SHOC1: variants seen among roughly 807,000 people sequenced by gnomAD.
SHOC1 encodes protein shortage in chiasmata 1 ortholog.
A neutral mutation model predicts 179.2 loss-of-function variants in SHOC1; 136 were observed. The observed-to-expected ratio is 0.76, with a 90% CI of 0.66 to 0.87. The LOEUF is 0.87. Among genes scored for constraint, SHOC1 ranks in the 40% least tolerant of loss-of-function variants. The pLI, the probability that SHOC1 is intolerant of heterozygous loss-of-function variation, is 0.00. For missense variants in SHOC1, 1,538 were observed against 1,700.8 expected (o/e 0.90, Z 1.68); for synonymous variants, 489 against 586.6 (o/e 0.83, Z 2.41).
intron 12 of SHOC1, among the ~76,000 whole-genome samples, chr9:111,729,143 TC>T (rs1328110635): frequency 7.8e-6 from 1 of 128,882 alleles, no homozygotes; most frequent in Admixed American, 7.7e-5. Flanking sequence ...TGAGACATGG[TC>T]CTCCTCTGTA....
chr9:111,735,438 G>T (rs1356408594), intron 12 of SHOC1, among the ~76,000 whole-genome samples: 1 of 152,004 alleles, frequency 6.6e-6, no homozygotes, highest in Non-Finnish European at 1.5e-5. Flanking sequence ...TGTGATGTTT[G>T]ATTTTCTGTT....
intron 12 of SHOC1, among the ~76,000 whole-genome samples, chr9:111,730,677 G>C (rs1397563261): frequency 6.6e-6 from 1 of 152,232 alleles, no homozygotes; most frequent in Non-Finnish European, 1.5e-5. Context: ...AGCACAGAAA[G>C]TGTAGACTTA....
At chr9:111,733,272 C>T (rs964288091) in intron 12 of SHOC1, among the ~76,000 whole-genome samples, 6 of 152,102 alleles carry the variant, frequency 3.9e-5, no homozygotes, top group Non-Finnish European at 8.8e-5. Context: ...TTATTTCCTT[C>T]CAAAATGTAG....
chr9:111,715,053 G>T (rs946757663), intron 16 of SHOC1, among the ~76,000 whole-genome samples: 10 of 152,136 alleles, frequency 6.6e-5, no homozygotes, highest in Admixed American at 6.6e-4. Flanking sequence ...AGCTCTTTCA[G>T]GGTAGAACAT....
intron 2 of SHOC1, among the ~76,000 whole-genome samples, chr9:111,786,621 G>A (rs539071304): frequency 1.3e-5 from 2 of 149,144 alleles, no homozygotes; most frequent in South Asian, 2.1e-4. Context: ...TCACATTTTG[G>A]TAACTGTCCC....
At chr9:111,690,246 A>C (rs1831368009) in intron 27 of SHOC1, among the ~76,000 whole-genome samples, 1 of 152,120 alleles carries the variant, frequency 6.6e-6, no homozygotes, top group Non-Finnish European at 1.5e-5. Context: ...CAACATAACA[A>C]AACCCTGTCT....
chr9:111,714,304 T>C (rs1832689736), intron 17 of SHOC1, 141 bp downstream of exon 17: 1 of 718,176 alleles, frequency 1.4e-6, no homozygotes. Context: ...TTCTGTTCTG[T>C]TACCTTATTC....
intron 2 of SHOC1, 25 bp downstream of exon 2, chr9:111,791,349 A>T: frequency 7.4e-7 from 1 of 1,357,592 alleles, no homozygotes. Flanking sequence ...CTCAGTAAAT[A>T]GACAGTAAGC....
At chr9:111,755,282 T>C (rs1004609521) in intron 8 of SHOC1, among the ~76,000 whole-genome samples, 1 of 152,248 alleles carries the variant, frequency 6.6e-6, no homozygotes, top group Non-Finnish European at 1.5e-5. Flanking sequence ...TTGCAAGTTC[T>C]GGTATGGATT....
At chr9:111,693,658 C>T (rs1473058844) in intron 26 of SHOC1, 141 bp downstream of exon 26, 1 of 439,408 alleles carries the variant, frequency 2.3e-6, no homozygotes, top group African/African-American at 2.0e-5. Context: ...AAATTTAGTT[C>T]AAGTAAATTA....
intron 18 of SHOC1, among the ~76,000 whole-genome samples, chr9:111,711,006 T>A (rs1832518733): frequency 1.3e-5 from 2 of 152,096 alleles, no homozygotes; most frequent in Admixed American, 6.6e-5. Flanking sequence ...CTGAAGGGCT[T>A]AAACATTAAG....
At chr9:111,722,633 G>C (rs1833116748) in intron 14 of SHOC1, 48 bp from the exon 15 acceptor site, 1 of 1,487,562 alleles carries the variant, frequency 6.7e-7, no homozygotes, top group African/African-American at 1.4e-5. Context: ...AAGATGGTAT[G>C]CTCTTTTTGA....
At chr9:111,724,363 A>G (rs1324187894) in intron 13 of SHOC1, among the ~76,000 whole-genome samples, 1 of 151,330 alleles carries the variant, frequency 6.6e-6, no homozygotes, top group Non-Finnish European at 1.5e-5. Context: ...TTTTTAAGAC[A>G]GTGTCTCCCT....
rs538561025 is a variant in SHOC1 at position 111,691,255 on chromosome 9, C to G, written c.4426+296G>C. On this transcript the variant is annotated intron_variant, in intron 27 of 27. Coordinates refer to ENST00000682961, the MANE Select transcript of SHOC1 (RefSeq NM_001378211.1). ...ACAAAGAGGTTAATTTTCTAATTCA[C>G]TGATTCCTCTGTTTAATCTTTGTTG... is the stretch of plus-strand genomic sequence containing the variant. Among the ~76,000 whole-genome samples the G allele has an allele frequency of 4.6e-5, 7 of 152,316 alleles. No homozygotes were observed. In the East Asian group the frequency reaches 1.3e-3, roughly 29 times the overall value.
In SHOC1 at chr9:111,691,756, G is replaced by A; in HGVS notation, c.4221C>T (p.Gly1407=). 6.2e-7 allele frequency: 1 copy of A among 1,613,916 alleles called. No homozygotes were observed. Among genetic ancestry groups the A allele is most frequent in the Non-Finnish European group, 8.5e-7 (1 of 1,179,890 alleles). The change falls in exon 27 of 28, where the codon GGC becomes GGT. Residue 1407 remains glycine, a synonymous_variant. Transcript: ENST00000682961. ...QQKCLSDESE[G]LTCESSKDET... ...CATCTTTTGAACTTTCACATGTGAGGCCTTCAGACTCATCTGATAGACATT... is the reference window on the plus strand; with the variant it reads ...CATCTTTTGAACTTTCACATGTGAGACCTTCAGACTCATCTGATAGACATT...
At chr9:111,785,738 T>A (rs1836239406) in intron 3 of SHOC1, among the ~76,000 whole-genome samples, 174 bp downstream of exon 3, 2 of 152,220 alleles carry the variant, frequency 1.3e-5, no homozygotes, top group African/African-American at 4.8e-5. Flanking sequence ...AATTCCTTAT[T>A]TAGTTACCTA....
At position 111,706,756 on chromosome 9, in the gene SHOC1, A is replaced by G. The variant is rs1370626145; in HGVS notation, c.2559-10T>C. 2 of 1,550,100 alleles carry G rather than the reference A, an allele frequency of 1.3e-6. No homozygotes were observed. Among genetic ancestry groups the G allele is most frequent in the Admixed American group, 2.0e-5 (1 of 49,718 alleles). ...TACACAGGAACTTGTACTAAAGACA[A>G]AAGAGAGCCAAGAAAATGGCATTAT... is the stretch of plus-strand genomic sequence containing the variant. On this transcript the variant is annotated splice_polypyrimidine_tract_variant and intron_variant, in intron 19 of 27. Coordinates refer to ENST00000682961, the MANE Select transcript of SHOC1 (RefSeq NM_001378211.1).
chr9:111,688,552 C>A (rs191995888), intron 27 of SHOC1, among the ~76,000 whole-genome samples: 80 of 151,880 alleles, frequency 5.3e-4, no homozygotes, highest in Non-Finnish European at 4.6e-4. Flanking sequence ...TATATCCTTG[C>A]CAAGTCAGAT....
chr9:111,791,069 A>G (rs957374121), intron 2 of SHOC1, among the ~76,000 whole-genome samples: 2 of 152,200 alleles, frequency 1.3e-5, no homozygotes, highest in Admixed American at 1.3e-4. Flanking sequence ...TGGTTAGTTC[A>G]GTGTACACAA....
Sources: gnomAD v4.1 joint callset for allele counts (sites outside exome capture counted in the v4.1 genomes callset) on GRCh38, gnomAD v4.1.1 for gene constraint, MANE v1.5 for transcripts, NCBI Gene and HGNC (gene_info 2026-07-23, HGNC 2026-07-21) for gene names.